The following PARD3B variants were observed in gnomAD, a reference collection of about 807,000 sequenced individuals.
PARD3B encodes partitioning defective 3 homolog B.
Under a neutral mutation model 130.2 loss-of-function variants are expected in PARD3B, and 103 were observed. The ratio of observed to expected loss-of-function variants is 0.79; its 90% CI spans 0.67 to 0.93. PARD3B has a LOEUF of 0.93. PARD3B is among the 40% of genes least tolerant of loss of function. The pLI is 0.00. For missense variants in PARD3B, 1,609 were observed against 1,499.2 expected (o/e 1.07, Z -1.21); for synonymous variants, 583 against 553.2 (o/e 1.05, Z -0.76).
chr2:204,639,597 T>C (rs1004786008), intron 1 of PARD3B, among the ~76,000 whole-genome samples: 1 of 152,198 alleles, frequency 6.6e-6, no homozygotes, highest in African/African-American at 2.4e-5. Flanking sequence ...AGAATTTAAT[T>C]GTATTTTGTA....
rs1261583498 is a variant in PARD3B, at chr2:204,907,673, T to C, written c.223-57479T>C. Among the ~76,000 whole-genome samples, 1 of 152,078 alleles carries C rather than the reference T, an allele frequency of 6.6e-6. No individual in the cohort carries two copies. Among genetic ancestry groups the C allele is most frequent in the Non-Finnish European group, 1.5e-5 (1 of 68,002 alleles). On this transcript the variant is annotated intron_variant, in intron 2 of 22. Transcript: ENST00000406610. The surrounding 1 kb of genome is among the most constrained non-coding windows in gnomAD (Gnocchi z 5.7). ...TTTCTTGACATGTTACTTCATGGGC[T>C]TGTTTCTATAAAGAGTGGTTTTTTT...
At chr2:205,210,846 G>A (rs777376555) in intron 15 of PARD3B, among the ~76,000 whole-genome samples, 1 of 151,984 alleles carries the variant, frequency 6.6e-6, no homozygotes, top group Non-Finnish European at 1.5e-5. Context: ...AATGATCTGA[G>A]CATTTCCTTT....
At chr2:205,141,124 T>C (rs889560996) in intron 10 of PARD3B, among the ~76,000 whole-genome samples, 26 of 152,346 alleles carry the variant, frequency 1.7e-4, no homozygotes, top group Middle Eastern at 3.4e-3. Context: ...AGTTTGGTTC[T>C]TCTTTCGGGT....
At chr2:205,549,717 A>T (rs1478872258) in intron 21 of PARD3B, among the ~76,000 whole-genome samples, 4 of 152,188 alleles carry the variant, frequency 2.6e-5, no homozygotes, top group African/African-American at 9.6e-5. Flanking sequence ...ACATGCCATT[A>T]TACATTTGTC....
At chr2:205,070,520 C>T (rs1270737315) in intron 4 of PARD3B, among the ~76,000 whole-genome samples, 1 of 152,020 alleles carries the variant, frequency 6.6e-6, no homozygotes, top group Non-Finnish European at 1.5e-5. Flanking sequence ...TGAATTGTTC[C>T]TCTTGTCCCT....
At chr2:205,363,785 C>A (rs1454989564) in intron 18 of PARD3B, among the ~76,000 whole-genome samples, 1 of 150,948 alleles carries the variant, frequency 6.6e-6, no homozygotes, top group Non-Finnish European at 1.5e-5. Flanking sequence ...CTGCCTCAGC[C>A]TTCTAAGTAG....
chr2:205,549,528 G>A (rs2052524907), intron 21 of PARD3B, among the ~76,000 whole-genome samples: 1 of 152,132 alleles, frequency 6.6e-6, no homozygotes, highest in African/African-American at 2.4e-5. Flanking sequence ...AGTAAAAGAA[G>A]CCAATCTGAA....
intron 7 of PARD3B, among the ~76,000 whole-genome samples, chr2:205,119,836 T>G (rs1395192982): frequency 1.3e-5 from 2 of 152,060 alleles, no homozygotes; most frequent in African/African-American, 4.8e-5. Flanking sequence ...TTTCTGCATG[T>G]GAAAATGTTA....
chr2:204,770,729 C>T (rs1301996818), intron 2 of PARD3B, among the ~76,000 whole-genome samples: 2 of 152,046 alleles, frequency 1.3e-5, no homozygotes, highest in African/African-American at 4.8e-5. Flanking sequence ...TACCTACTGA[C>T]ATCCCCTGGC....
chr2:205,248,252 A>G (rs1376131036), intron 16 of PARD3B, among the ~76,000 whole-genome samples: 6 of 151,836 alleles, frequency 4.0e-5, no homozygotes, highest in South Asian at 4.2e-4. Context: ...CACTCCCCCA[A>G]TTTTTTACAT....
rs533024712 is a variant in PARD3B, at chr2:205,125,838, A to G, written c.1434+101A>G. 1 of 1,452,668 alleles carries G rather than the reference A, an allele frequency of 6.9e-7. No individual in the cohort carries two copies. Among genetic ancestry groups the G allele is most frequent in the African/African-American group, 1.4e-5 (1 of 70,930 alleles). 90.0% of individuals were successfully genotyped at this position (1,452,668 alleles called of 1,614,324 possible). On this transcript the variant is annotated intron_variant, in intron 10 of 22. Coordinates refer to ENST00000406610, the MANE Select transcript of PARD3B (RefSeq NM_001302769.2). The surrounding 1 kb of genome is among the most constrained non-coding windows in gnomAD (Gnocchi z 4.0). ...AAACGAGTTCTAAATCACAGGCTTCATTCATAACCAAAATTGAATCACACT... is the reference window on the plus strand; with the variant it reads ...AAACGAGTTCTAAATCACAGGCTTCGTTCATAACCAAAATTGAATCACACT...
At chr2:205,587,462 T>G (rs948002767) in intron 22 of PARD3B, among the ~76,000 whole-genome samples, 1 of 152,220 alleles carries the variant, frequency 6.6e-6, no homozygotes, top group African/African-American at 2.4e-5. Context: ...GCTCTAATGT[T>G]CTCAATAATA....
intron 18 of PARD3B, among the ~76,000 whole-genome samples, chr2:205,340,925 G>A (rs2043501571): frequency 6.6e-6 from 1 of 151,946 alleles, no homozygotes; most frequent in South Asian, 2.1e-4. Flanking sequence ...CAATTAAAAT[G>A]TGCACAAATA....
chr2:205,362,718 C>T (rs1039905166), intron 18 of PARD3B, among the ~76,000 whole-genome samples: 6 of 152,066 alleles, frequency 3.9e-5, no homozygotes, highest in African/African-American at 4.8e-5. Context: ...ATAAATTCTG[C>T]GAGATTGGTA....
At chr2:205,208,828 C>G (rs2037465226) in intron 15 of PARD3B, among the ~76,000 whole-genome samples, 2 of 144,278 alleles carry the variant, frequency 1.4e-5, no homozygotes, top group African/African-American at 5.4e-5. Flanking sequence ...CCATCCCCAT[C>G]AAGCTACCAA....
chr2:205,330,652 A>G (rs1030778139), intron 18 of PARD3B, among the ~76,000 whole-genome samples: 1 of 152,060 alleles, frequency 6.6e-6, no homozygotes, highest in African/African-American at 2.4e-5. Context: ...TTAAAAGAGT[A>G]TGATTTCAAT....
intron 5 of PARD3B, among the ~76,000 whole-genome samples, chr2:205,107,694 A>G (rs1167644223): frequency 2.0e-5 from 3 of 152,234 alleles, no homozygotes; most frequent in African/African-American, 7.2e-5. Context: ...ATAAATCATA[A>G]GCAAAACTGT....
intron 2 of PARD3B, among the ~76,000 whole-genome samples, chr2:204,699,685 C>T (rs1027035698): frequency 6.6e-6 from 1 of 152,018 alleles, no homozygotes; most frequent in African/African-American, 2.4e-5. Flanking sequence ...ATGTGATAGA[C>T]AATGATACAA....
chr2:205,308,119 T>A (rs2105924147), intron 18 of PARD3B, among the ~76,000 whole-genome samples: 1 of 152,330 alleles, frequency 6.6e-6, no homozygotes, highest in South Asian at 2.1e-4. Context: ...CATAATTATT[T>A]TTATGCTATA....
Sources: gnomAD v4.1 joint callset for allele counts (sites outside exome capture counted in the v4.1 genomes callset) on GRCh38, gnomAD v4.1.1 for gene constraint, Gnocchi (gnomAD v3.1) non-coding constraint, MANE v1.5 for transcripts, NCBI Gene and HGNC (gene_info 2026-07-23, HGNC 2026-07-21) for gene names.